MROH2A: variants seen among roughly 807,000 people sequenced by gnomAD.
The protein encoded by MROH2A is maestro heat-like repeat-containing protein family member 2A.
Under a neutral mutation model 200.4 loss-of-function variants are expected in MROH2A, and 174 were observed. The ratio of observed to expected loss-of-function variants is 0.87; its 90% CI spans 0.77 to 0.98. The LOEUF (loss-of-function observed/expected upper bound fraction) is 0.98, where lower values mean the gene tolerates loss of function less well. Ranked by LOEUF, MROH2A falls within the 50% of genes least tolerant of loss-of-function variation. The pLI is 0.00. For synonymous variants in MROH2A, 829 were observed against 840.4 expected, an observed-to-expected ratio of 0.99 and a Z score of 0.23; for missense variants, 2,045 against 2,139.6, an observed-to-expected ratio of 0.96 and a Z score of 0.87.
chr2:233,831,379 T>C (rs1022260012), intron 38 of MROH2A, 30 bp from the exon 39 acceptor site: 9 of 1,529,228 alleles, frequency 5.9e-6, no homozygotes, highest in East Asian at 2.5e-5. Context: ...GCCTGGCTGA[T>C]GGCTCTGCTG....
Position 233,779,415 on chromosome 2 carries a change from A to G in MROH2A, c.57A>G (p.Glu19=). The change falls in exon 2 of 42, where the codon GAA becomes GAG. Residue 19 remains glutamate (E), a synonymous_variant. Transcript: ENST00000389758. Reference sequence around the variant, plus strand: ...CCTCAAGTGAGGAGGTGTCAGAGGAAAGAGACGACCTGGGGCCTCTTGAAT... The same window carrying G: ...CCTCAAGTGAGGAGGTGTCAGAGGAGAGAGACGACCTGGGGCCTCTTGAAT... The part of the protein sequence containing the change: ...AVASSEEVSE[E]RDDLGPLELH... 1 of 1,550,014 alleles carries G rather than the reference A, an allele frequency of 6.5e-7. No homozygotes were observed. Among genetic ancestry groups the G allele is most frequent in the Non-Finnish European group, 8.7e-7 (1 of 1,146,442 alleles).
At chr2:233,821,762 C>T (rs1176220363) in intron 31 of MROH2A, among the ~76,000 whole-genome samples, 1 of 151,642 alleles carries the variant, frequency 6.6e-6, no homozygotes, top group East Asian at 1.9e-4. Context: ...GATATAATAT[C>T]AGAAAGCTAC....
At chr2:233,788,353 G>T (rs538810003) in intron 3 of MROH2A, among the ~76,000 whole-genome samples, 3 of 149,576 alleles carry the variant, frequency 2.0e-5, no homozygotes, top group African/African-American at 7.4e-5. Context: ...AGCTACTAAG[G>T]CCACATCATT....
At chr2:233,803,400 TG>T in intron 15 of MROH2A, 47 bp from the exon 16 acceptor site, 1 of 1,548,120 alleles carries the variant, frequency 6.5e-7, no homozygotes, top group Non-Finnish European at 8.7e-7. Context: ...GAGCATGTCC[TG>T]GTACAAGCCA....
At chr2:233,787,997 A>T (rs12465745) in intron 3 of MROH2A, among the ~76,000 whole-genome samples, 107 of 18,184 alleles carry the variant, frequency 5.9e-3, no homozygotes, top group Admixed American at 9.2e-3. Flanking sequence ...TACATATATT[A>T]TATATATACA....
At chr2:233,829,838 C>T in intron 38 of MROH2A, 63 bp downstream of exon 38, 1 of 1,265,650 alleles carries the variant, frequency 7.9e-7, no homozygotes, top group Non-Finnish European at 1.0e-6. Context: ...GGAAACAGGT[C>T]CTTGGGTCTG....
chr2:233,812,646 C>G (rs1703237539), intron 24 of MROH2A, among the ~76,000 whole-genome samples: 1 of 152,080 alleles, frequency 6.6e-6, no homozygotes, highest in Admixed American at 6.6e-5. Flanking sequence ...TAGTCCCAGC[C>G]TTTTAAGGAC....
intron 22 of MROH2A, among the ~76,000 whole-genome samples, chr2:233,809,743 CACCTA>C (rs1265111686): frequency 1.3e-5 from 2 of 151,120 alleles, no homozygotes; most frequent in Admixed American, 6.6e-5. Context: ...TGGCAAAATA[CACCTA>C]ACATAAAGTT....
chr2:233,824,766 A>T (rs1317812595), intron 35 of MROH2A, among the ~76,000 whole-genome samples: 1 of 152,242 alleles, frequency 6.6e-6, no homozygotes, highest in East Asian at 1.9e-4. Context: ...GTAAGTGCTC[A>T]TTAAATGCTA....
chr2:233,822,143 CT>C lies in MROH2A; in HGVS notation c.3533del (p.Leu1178ArgfsTer17). 6.5e-7 allele frequency: 1 copy of C among 1,549,852 alleles called. No individual in the cohort carries two copies. Among genetic ancestry groups the C allele is most frequent in the Non-Finnish European group, 8.7e-7 (1 of 1,146,710 alleles). On this transcript the variant is annotated frameshift_variant, in exon 32 of 42. Coordinates refer to ENST00000389758, the MANE Select transcript of MROH2A (RefSeq NM_001394639.1). LOFTEE classifies it high-confidence loss of function. ...PMESHLAEVW[L>X]AVSENVPFAR... The stretch of plus-strand genomic sequence containing the variant: ...GGTTAGCCACCTGGCAGAGGTGTGG[CT>C]GGCAGTGTCGGAGAACGTGCCCTTC...
chr2:233,822,857 T>C, intron 33 of MROH2A, 24 bp from the exon 34 acceptor site: 1 of 1,549,464 alleles, frequency 6.5e-7, no homozygotes, highest in Non-Finnish European at 8.7e-7. Flanking sequence ...GGGCAGCGCA[T>C]CACAAGCTCC....
At position 233,814,174 on chromosome 2, in the gene MROH2A, T is replaced by C. The variant is rs75583285; in HGVS notation, c.2760+396T>C. Among the ~76,000 whole-genome samples the C allele has an allele frequency of 0.016, 2,494 of 152,284 alleles. 132 individuals carry two copies. In the East Asian group the frequency reaches 0.2, roughly 12 times the overall value. ...AGAAAGAGAAAGTCTAGGGAAGACT[T>C]GAGAGTCATTTTGCCCTCCTTCTAT... On this transcript the variant is annotated intron_variant, in intron 25 of 41. Coordinates refer to ENST00000389758, the MANE Select transcript of MROH2A (RefSeq NM_001394639.1).
In MROH2A at chr2:233,793,754, A is replaced by G; in HGVS notation, c.752A>G (p.Glu251Gly). ...GTGTACCCCGTGATGACTGAGGAGG[A>G]GTTTGCCCTGAAGGTGTTCCCCATG... Reference protein sequence around the residue: ...ESVYPVMTEEEFALKVFPMYR... With the variant: ...ESVYPVMTEEGFALKVFPMYR... Residue 251 changes from glutamate to glycine, a missense_variant, in exon 7 of 42, where the codon GAG becomes GGG. This residue lies in a region of MROH2A where 831 missense variants were observed against 800.0 expected (regional missense o/e 1.04). Coordinates refer to ENST00000389758, the MANE Select transcript of MROH2A (RefSeq NM_001394639.1). 6.7e-7 allele frequency: 1 copy of G among 1,497,140 alleles called. No individual in the cohort carries two copies. Among genetic ancestry groups the G allele is most frequent in the South Asian group, 1.3e-5 (1 of 75,202 alleles). The allele number at this position is 1,497,140 out of a possible 1,614,324, so 92.7% of individuals were successfully genotyped here. A position where few individuals can be genotyped will look rare whatever the true frequency, so the allele number is the denominator to read the frequency against.
chr2:233,805,066 GC>G lies in MROH2A; in HGVS notation c.2008del (p.Leu670Ter). Reference protein sequence around the residue: ...SSWSLRLSKELNNQIASFDSP... With the variant: ...SSWSLRLSKEXNNQIASFDSP... The stretch of plus-strand genomic sequence containing the variant: ...GCTGGAGCCTGCGCTTGAGTAAAGA[GC>G]TGAACAACCAGATTGCGAGCTTTGA... On this transcript the variant is annotated frameshift_variant, in exon 19 of 42. Transcript: ENST00000389758. LOFTEE classifies it high-confidence loss of function. 6.5e-7 allele frequency: 1 copy of G among 1,550,292 alleles called. No individual in the cohort carries two copies.
At chr2:233,800,618 CGTGTGTGTGTGTATGTGTGTGTGTGTGT>C (rs1162591164) in intron 14 of MROH2A, among the ~76,000 whole-genome samples, 1 of 120,846 alleles carries the variant, frequency 8.3e-6, no homozygotes, top group Admixed American at 8.8e-5. Context: ...CTTTAAGGCC[CGTGTGTGTGTGTATGTGTGTGTGTGTGT>C]GTGTGTGTGT....
chr2:233,789,935 G>A lies in MROH2A; in HGVS notation c.492G>A (p.Glu164=). The A allele has an allele frequency of 6.4e-7, 1 of 1,550,480 alleles. No individual in the cohort carries two copies. The highest frequency in any genetic ancestry group is 8.7e-7 in the Non-Finnish European group (1 of 1,146,934). The part of the protein sequence containing the change: ...SRNHFSLVMY[E]LQHHLKPLNL... ...ACCACTTCAGCTTGGTCATGTACGA[G>A]CTGCAGCACCACCTCAAGCCCCTCA... Residue 164 remains glutamate (E), a synonymous_variant, in exon 5 of 42, where the codon GAG becomes GAA. Transcript: ENST00000389758.
chr2:233,823,078 G>T, intron 34 of MROH2A, 60 bp downstream of exon 34: 1 of 1,527,052 alleles, frequency 6.5e-7, no homozygotes, highest in Non-Finnish European at 8.9e-7. Flanking sequence ...CTTGCTGGAT[G>T]GAAGGGCTCC....
chr2:233,819,248 G>C (rs997687971), intron 29 of MROH2A, 69 bp from the exon 30 acceptor site: 3 of 1,455,980 alleles, frequency 2.1e-6, no homozygotes, highest in Non-Finnish European at 2.8e-6. Context: ...GGTGGGACAG[G>C]GGAGGAGAGA....
upstream of MROH2A, among the ~76,000 whole-genome samples, chr2:233,776,693 C>T (rs931816344): frequency 2.6e-5 from 4 of 152,124 alleles, no homozygotes; most frequent in Non-Finnish European, 4.4e-5. Flanking sequence ...CTTACACACT[C>T]GACCTGTGTG....
Sources: allele counts gnomAD v4.1 joint callset (sites outside exome capture counted in the v4.1 genomes callset), GRCh38; gene constraint gnomAD v4.1.1; regional missense constraint gnomAD v4.1.1; transcripts MANE v1.5; gene names NCBI Gene and HGNC (gene_info 2026-07-23, HGNC 2026-07-21).